C16orf74: variants seen among roughly 807,000 people sequenced by gnomAD.
C16orf74 encodes the protein uncharacterized protein C16orf74.
C16orf74 carries 10 observed loss-of-function variants against 6.5 expected under a neutral mutation model. The ratio of observed to expected loss-of-function variants is 1.54; its 90% confidence interval spans 0.95 to 2.61. C16orf74 has a LOEUF of 2.61. Among genes scored for constraint, C16orf74 ranks in the 30% most tolerant of loss-of-function variants. The pLI is 0.00. For synonymous variants in C16orf74, 60 were observed against 42.5 expected, an observed-to-expected ratio of 1.41 and a Z score of -1.60; for missense variants, 141 against 105.9, an observed-to-expected ratio of 1.33 and a Z score of -1.45.
intron 2 of C16orf74, among the ~76,000 whole-genome samples, chr16:85,727,140 G>A (rs977575750): frequency 1.3e-5 from 2 of 152,358 alleles, no homozygotes; most frequent in African/African-American, 2.4e-5. Context: ...CGCAATAAAC[G>A]TTTGTGGAGG....
intron 2 of C16orf74, among the ~76,000 whole-genome samples, chr16:85,731,060 G>GGT: frequency 6.6e-6 from 1 of 152,222 alleles, no homozygotes; most frequent in East Asian, 1.9e-4. Context: ...TCTACTGGAT[G>GGT]GTGTGGCTCT....
chr16:85,712,741 C>T (rs1051676413), intron 2 of C16orf74, among the ~76,000 whole-genome samples: 3 of 152,214 alleles, frequency 2.0e-5, no homozygotes, highest in Non-Finnish European at 2.9e-5. Context: ...TCTCTGGGCC[C>T]TTTGTGCAGT....
At chr16:85,741,516 G>C (rs1280778056) in intron 1 of C16orf74, 1 of 166,716 alleles carries the variant, frequency 6.0e-6, no homozygotes, top group African/African-American at 2.4e-5. Context: ...GCAGCATCGA[G>C]GGTGGTCACG....
intron 1 of C16orf74, among the ~76,000 whole-genome samples, chr16:85,737,942 A>G (rs1364763193): frequency 6.7e-6 from 1 of 148,526 alleles, no homozygotes; most frequent in Non-Finnish European, 1.5e-5. Flanking sequence ...TTCTTAAAAC[A>G]TTATGAATTT....
intron 2 of C16orf74, among the ~76,000 whole-genome samples, chr16:85,720,677 GAGA>G (rs2054073060): frequency 1.3e-5 from 2 of 151,160 alleles, no homozygotes; most frequent in African/African-American, 4.9e-5. Context: ...CTGGGAGGCT[GAGA>G]AGGGAGGATT....
chr16:85,731,299 G>C (rs2054184814), intron 2 of C16orf74, among the ~76,000 whole-genome samples: 1 of 152,274 alleles, frequency 6.6e-6, no homozygotes, highest in Non-Finnish European at 1.5e-5. Context: ...TATGTATTAA[G>C]AGCATTAAAC....
chr16:85,710,658 T>TC, intron 2 of C16orf74: 1 of 237,448 alleles, frequency 4.2e-6, no homozygotes, highest in Middle Eastern at 1.4e-3. Flanking sequence ...CGCTCCAGCC[T>TC]CCACTCTCCA....
chr16:85,737,353 C>A (rs1224574261), intron 1 of C16orf74, among the ~76,000 whole-genome samples: 2 of 152,140 alleles, frequency 1.3e-5, no homozygotes, highest in Non-Finnish European at 2.9e-5. Context: ...CACACTACAG[C>A]CAAGAAGAGC....
chr16:85,725,768 T>C (rs1481798192), intron 2 of C16orf74, among the ~76,000 whole-genome samples: 3 of 152,150 alleles, frequency 2.0e-5, no homozygotes, highest in Middle Eastern at 3.2e-3. Flanking sequence ...CACACCCAAC[T>C]AATGTTTCTA....
intron 2 of C16orf74, among the ~76,000 whole-genome samples, chr16:85,719,903 G>A (rs410369): frequency 0.15 from 21,019 of 144,146 alleles, 2,154 homozygotes; most frequent in Middle Eastern, 0.25. Flanking sequence ...CACAGCACAC[G>A]CAAAGGCCCT....
At chr16:85,740,127 T>C (rs973587455) in intron 1 of C16orf74, among the ~76,000 whole-genome samples, 3 of 141,232 alleles carry the variant, frequency 2.1e-5, no homozygotes, top group African/African-American at 8.0e-5. Context: ...GGAGAATCGC[T>C]TGAACCCAGG....
chr16:85,730,207 C>T (rs440302), intron 2 of C16orf74, among the ~76,000 whole-genome samples: 42,040 of 152,020 alleles, frequency 0.28, 6,182 homozygotes, highest in Middle Eastern at 0.37. Flanking sequence ...GACCCTCACA[C>T]TCTGCTGAGT....
At chr16:85,708,138 C>G (rs1257136541) in intron 3 of C16orf74, 72 bp from the exon 4 acceptor site, 1 of 1,311,054 alleles carries the variant, frequency 7.6e-7, no homozygotes, top group Non-Finnish European at 1.1e-6. Flanking sequence ...TCCCTGGGAA[C>G]TGCAGGGCTG....
chr16:85,719,321 G>A (rs1198024835), intron 2 of C16orf74, among the ~76,000 whole-genome samples: 1 of 152,170 alleles, frequency 6.6e-6, no homozygotes, highest in Admixed American at 6.5e-5. Flanking sequence ...GGCTCCAGTA[G>A]CAGGAATCAG....
intron 3 of C16orf74, among the ~76,000 whole-genome samples, chr16:85,709,829 C>G (rs1007892092): frequency 1.3e-5 from 2 of 152,144 alleles, no homozygotes; most frequent in Non-Finnish European, 2.9e-5. Flanking sequence ...GATGGAGCAG[C>G]GGTCCTCCCG....
chr16:85,748,689 TGA>T (rs923967773), intron 1 of C16orf74, among the ~76,000 whole-genome samples: 9 of 152,328 alleles, frequency 5.9e-5, no homozygotes, highest in African/African-American at 2.2e-4. Context: ...GAGTTTGGCT[TGA>T]GAGAGAACAG....
chr16:85,734,926 G>C (rs985261750), intron 2 of C16orf74, among the ~76,000 whole-genome samples: 5 of 152,174 alleles, frequency 3.3e-5, no homozygotes, highest in Non-Finnish European at 1.5e-5. Flanking sequence ...CACAGCCTGG[G>C]ATTAGGCACC....
chr16:85,747,892 C>G (rs376852152), intron 1 of C16orf74, among the ~76,000 whole-genome samples: 2 of 152,150 alleles, frequency 1.3e-5, no homozygotes, highest in South Asian at 2.1e-4. Flanking sequence ...TCAAGACCAG[C>G]CTGGCCAACT....
At chr16:85,747,838 A>C (rs986010351) in intron 1 of C16orf74, among the ~76,000 whole-genome samples, 1 of 152,092 alleles carries the variant, frequency 6.6e-6, no homozygotes, top group African/African-American at 2.4e-5. Context: ...CTGTAATCCC[A>C]GCACTTTGGG....
Sources: gnomAD v4.1 joint callset for allele counts (sites outside exome capture counted in the v4.1 genomes callset) on GRCh38, gnomAD v4.1.1 for gene constraint, MANE v1.5 for transcripts, NCBI Gene and HGNC (gene_info 2026-07-23, HGNC 2026-07-21) for gene names.